DLGAP2: variants seen among roughly 807,000 people sequenced by gnomAD.
DLGAP2 encodes disks large-associated protein 2.
In DLGAP2, 26 loss-of-function variants were observed where a neutral mutation model predicts 100.3. The ratio of observed to expected loss-of-function variants is 0.26; its 90% CI spans 0.19 to 0.36. The LOEUF (loss-of-function observed/expected upper bound fraction) is 0.36. Among genes scored for constraint, DLGAP2 ranks in the 10% least tolerant of loss-of-function variants. The pLI is 1.00. For missense variants in DLGAP2, 1,858 were observed against 1,453.2 expected (o/e 1.28, Z -4.53); for synonymous variants, 886 against 630.1 (o/e 1.41, Z -6.08).
intron 1 of DLGAP2, among the ~76,000 whole-genome samples, chr8:845,559 C>T (rs898914446): frequency 3.3e-5 from 5 of 152,172 alleles, no homozygotes; most frequent in Non-Finnish European, 5.9e-5. Flanking sequence ...AGATACAAGT[C>T]CTTATCAGAC....
intron 4 of DLGAP2, among the ~76,000 whole-genome samples, chr8:1,502,901 T>C (rs1000756049): frequency 2.0e-5 from 3 of 152,190 alleles, no homozygotes; most frequent in African/African-American, 7.2e-5. Flanking sequence ...GGGGTGGTTC[T>C]GCTTGGGCTC....
intron 4 of DLGAP2, among the ~76,000 whole-genome samples, chr8:1,534,079 T>C (rs943137848): frequency 6.6e-6 from 1 of 152,208 alleles, no homozygotes; most frequent in Non-Finnish European, 1.5e-5. Context: ...CATTTGGAAA[T>C]TGTCAGCAGG....
intron 1 of DLGAP2, among the ~76,000 whole-genome samples, chr8:867,233 G>A (rs753361001): frequency 6.6e-6 from 1 of 152,220 alleles, no homozygotes; most frequent in Non-Finnish European, 1.5e-5. Context: ...TTTTCTTTGG[G>A]TCTTTCCTGG....
intron 3 of DLGAP2, among the ~76,000 whole-genome samples, chr8:1,424,902 G>C (rs1375984427): frequency 6.6e-6 from 1 of 152,206 alleles, no homozygotes; most frequent in Non-Finnish European, 1.5e-5. Flanking sequence ...CTGTTTAATG[G>C]GGCAGAGCTT....
intron 2 of DLGAP2, among the ~76,000 whole-genome samples, chr8:1,255,866 G>A (rs1585197926): frequency 8.2e-6 from 1 of 122,512 alleles, no homozygotes; most frequent in Non-Finnish European, 1.6e-5. Flanking sequence ...GGTGCCGTGT[G>A]TGTGTCCTCT....
At chr8:905,411 C>T (rs1258627225) in intron 1 of DLGAP2, among the ~76,000 whole-genome samples, 3 of 152,126 alleles carry the variant, frequency 2.0e-5, no homozygotes, top group Admixed American at 6.5e-5. Flanking sequence ...TGGGATCATT[C>T]GTCATACCAT....
At chr8:817,738 T>C (rs1480460956) in intron 1 of DLGAP2, among the ~76,000 whole-genome samples, 1 of 152,192 alleles carries the variant, frequency 6.6e-6, no homozygotes, top group Non-Finnish European at 1.5e-5. Flanking sequence ...TTTGCTCTTC[T>C]GGGTCCAGCC....
intron 1 of DLGAP2, among the ~76,000 whole-genome samples, chr8:833,948 C>CA (rs1796826544): frequency 1.3e-5 from 2 of 152,194 alleles, no homozygotes; most frequent in South Asian, 4.1e-4. Flanking sequence ...GGTGGCTCCT[C>CA]AGTGGGACGA....
intron 1 of DLGAP2, among the ~76,000 whole-genome samples, chr8:763,919 C>T (rs1260581802): frequency 6.6e-6 from 1 of 152,198 alleles, no homozygotes; most frequent in African/African-American, 2.4e-5. Context: ...GTGACGGCCT[C>T]ATAAAGTGAA....
At chr8:744,031 A>G (rs1456995954) in intron 1 of DLGAP2, among the ~76,000 whole-genome samples, 2 of 152,200 alleles carry the variant, frequency 1.3e-5, no homozygotes, top group Non-Finnish European at 2.9e-5. Flanking sequence ...GAGTCTTTGC[A>G]TCTAAATGCC....
intron 3 of DLGAP2, among the ~76,000 whole-genome samples, chr8:1,427,382 A>T (rs1797265369): frequency 6.6e-6 from 1 of 152,234 alleles, no homozygotes; most frequent in Non-Finnish European, 1.5e-5. Context: ...AGAGTAACAA[A>T]ATCAATTACA....
At chr8:1,069,886 G>C (rs1803375232) in intron 2 of DLGAP2, among the ~76,000 whole-genome samples, 1 of 152,142 alleles carries the variant, frequency 6.6e-6, no homozygotes, top group African/African-American at 2.4e-5. Flanking sequence ...AAGCTAGAGA[G>C]GCCTCAGTTT....
At chr8:1,452,700 G>A (rs1387930708) in intron 3 of DLGAP2, among the ~76,000 whole-genome samples, 1 of 152,210 alleles carries the variant, frequency 6.6e-6, no homozygotes, top group Non-Finnish European at 1.5e-5. Flanking sequence ...TTCTGCGCTG[G>A]GCAGCTGAGC....
chr8:787,722 T>G (rs920454342), intron 1 of DLGAP2, among the ~76,000 whole-genome samples: 1 of 152,308 alleles, frequency 6.6e-6, no homozygotes, highest in Non-Finnish European at 1.5e-5. Context: ...CTGGGGGCTG[T>G]CTCAGCCTAC....
Position 1,685,419 on chromosome 8 carries a change from C to G in DLGAP2, c.2705-6116C>G, listed in dbSNP as rs114626507. 8.2e-3 allele frequency among the ~76,000 whole-genome samples: 1,242 copies of G among 152,334 alleles called. 17 individuals are homozygous for G. The highest frequency in any genetic ancestry group is 0.028 in the African/African-American group (1,184 of 41,574). ...ACCAGCCTTAGGGGTCAATGTATCACACAGCTTAATGGAACGTCCACTGCT... is the reference window on the plus strand; with the variant it reads ...ACCAGCCTTAGGGGTCAATGTATCAGACAGCTTAATGGAACGTCCACTGCT... On this transcript the variant is annotated intron_variant, in intron 12 of 14. Coordinates refer to ENST00000637795, the MANE Select transcript of DLGAP2 (RefSeq NM_001346810.2).
chr8:1,564,130 C>T (rs1430036708), intron 5 of DLGAP2, among the ~76,000 whole-genome samples: 1 of 152,176 alleles, frequency 6.6e-6, no homozygotes, highest in Non-Finnish European at 1.5e-5. Context: ...CGACTGCATG[C>T]TGTGTTCTTT....
chr8:1,590,847 C>T (rs551825173), intron 6 of DLGAP2, among the ~76,000 whole-genome samples: 2 of 151,972 alleles, frequency 1.3e-5, no homozygotes, highest in East Asian at 1.9e-4. Flanking sequence ...TGAGCCCCAC[C>T]CCTGGCAGAG....
rs1383323073 is a variant in DLGAP2, at chr8:1,549,350, G to C, written c.897G>C (p.Ser299=). 10 of 1,613,352 alleles carry C rather than the reference G, an allele frequency of 6.2e-6. No homozygotes were observed. The South Asian group carries it at 1.1e-4, about 18-fold the overall frequency. The change falls in exon 5 of 15, where the codon TCG becomes TCC. Residue 299 remains serine (S), a synonymous_variant. Coordinates refer to ENST00000637795, the MANE Select transcript of DLGAP2 (RefSeq NM_001346810.2). ...PRPGMSSWWS[S]DDNLDSDSTY... Reference sequence around the variant, plus strand: ...CCGGCATGAGCAGCTGGTGGAGCTCGGACGACAACCTGGACAGCGACAGCA... The same window carrying C: ...CCGGCATGAGCAGCTGGTGGAGCTCCGACGACAACCTGGACAGCGACAGCA...
intron 2 of DLGAP2, among the ~76,000 whole-genome samples, chr8:1,185,472 A>C (rs984571556): frequency 3.3e-5 from 5 of 152,110 alleles, no homozygotes; most frequent in African/African-American, 9.7e-5. Flanking sequence ...GGATGCTGAA[A>C]TTGACTAAAA....
Sources: allele counts gnomAD v4.1 joint callset (sites outside exome capture counted in the v4.1 genomes callset), GRCh38; gene constraint gnomAD v4.1.1; transcripts MANE v1.5; gene names NCBI Gene and HGNC (gene_info 2026-07-23, HGNC 2026-07-21).